Variants in CENPP observed in about 807,000 individuals in gnomAD.
CENPP encodes the protein centromere protein P.
CENPP carries 24 observed loss-of-function variants against 35.6 expected under a neutral mutation model. That is an observed-to-expected ratio of 0.67 (90% CI 0.49 to 0.95). CENPP has a LOEUF of 0.95. Among genes scored for constraint, CENPP ranks in the 40% least tolerant of loss-of-function variants. The pLI is 0.00. For missense variants in CENPP, 332 were observed against 345.3 expected, an observed-to-expected ratio of 0.96 and a Z score of 0.31; for synonymous variants, 120 against 125.5, an observed-to-expected ratio of 0.96 and a Z score of 0.29.
chr9:92,363,429 C>G (rs1018722131), intron 4 of CENPP, among the ~76,000 whole-genome samples: 1 of 152,150 alleles, frequency 6.6e-6, no homozygotes. Flanking sequence ...TGCACAAATA[C>G]TTAACATTGT....
intron 5 of CENPP, among the ~76,000 whole-genome samples, chr9:92,469,535 G>C (rs1466179577): frequency 1.3e-5 from 2 of 152,218 alleles, no homozygotes; most frequent in East Asian, 3.8e-4. Flanking sequence ...GAACAGGCCA[G>C]GCCTGCATGG....
chr9:92,377,986 TTAA>T (rs1429245093), intron 4 of CENPP, among the ~76,000 whole-genome samples: 1 of 152,190 alleles, frequency 6.6e-6, no homozygotes, highest in African/African-American at 2.4e-5. Context: ...TTGGGATGAC[TTAA>T]GTGCAGGGTG....
chr9:92,403,323 T>C (rs1843196006), intron 5 of CENPP: 3 of 1,613,426 alleles, frequency 1.9e-6, no homozygotes, highest in South Asian at 1.1e-5. Context: ...TCATAGATAA[T>C]GCGTGAGTCC....
Position 92,619,995 on chromosome 9 carries a change from G to A in CENPP, c.*6846G>A, listed in dbSNP as rs1055573076. 9 of 188,982 alleles carry A rather than the reference G, an allele frequency of 4.8e-5. No homozygotes were observed. Among genetic ancestry groups the A allele is most frequent in the Admixed American group, 1.0e-4 (2 of 19,198 alleles). 11.7% of individuals were successfully genotyped at this position (188,982 alleles called of 1,614,324 possible). A position where few individuals can be genotyped will look rare whatever the true frequency, so the allele number is the denominator to read the frequency against. On this transcript the variant is annotated 3_prime_UTR_variant, in exon 8 of 8. Coordinates refer to ENST00000375587, the MANE Select transcript of CENPP (RefSeq NM_001012267.3). ...CGCAGGGGGTGTTCAGCAAGGCATCGCTTAGAACGACATTCCCTCCGGAAC... is the reference window on the plus strand; with the variant it reads ...CGCAGGGGGTGTTCAGCAAGGCATCACTTAGAACGACATTCCCTCCGGAAC...
intron 5 of CENPP, chr9:92,538,986 T>G (rs1189326898): frequency 6.6e-6 from 1 of 152,200 alleles, no homozygotes; most frequent in Non-Finnish European, 1.5e-5. Flanking sequence ...GACAGCTTTG[T>G]AGATATTAAT....
intron 5 of CENPP, among the ~76,000 whole-genome samples, chr9:92,472,965 G>A (rs1845581665): frequency 6.6e-6 from 1 of 152,272 alleles, no homozygotes; most frequent in Middle Eastern, 3.4e-3. Context: ...ATCTCCTGAG[G>A]GAGGAAGAGT....
chr9:92,567,371 TAG>T (rs201820510), intron 5 of CENPP, among the ~76,000 whole-genome samples: 1,545 of 86,638 alleles, frequency 0.018, 22 homozygotes, highest in African/African-American at 0.048. Flanking sequence ...TTACATAAGA[TAG>T]ATATATATAT....
intron 5 of CENPP, among the ~76,000 whole-genome samples, chr9:92,405,870 G>C (rs1392360482): frequency 6.6e-6 from 1 of 152,138 alleles, no homozygotes; most frequent in Non-Finnish European, 1.5e-5. Flanking sequence ...AAAGTTTATT[G>C]AGCGCCAATT....
chr9:92,448,709 A>C (rs1844617648), intron 5 of CENPP, among the ~76,000 whole-genome samples: 1 of 152,126 alleles, frequency 6.6e-6, no homozygotes, highest in African/African-American at 2.4e-5. Context: ...CATGCAAAAA[A>C]ACCTGAAAAG....
chr9:92,588,478 C>A (rs948248149), intron 5 of CENPP, among the ~76,000 whole-genome samples: 2 of 151,734 alleles, frequency 1.3e-5, no homozygotes, highest in Non-Finnish European at 2.9e-5. Flanking sequence ...TGGTCTAGAT[C>A]TCCTGACCTC....
intron 5 of CENPP, among the ~76,000 whole-genome samples, chr9:92,382,406 A>G (rs183250712): frequency 1.7e-3 from 255 of 152,142 alleles, no homozygotes; most frequent in African/African-American, 5.9e-3. Context: ...ATTTGAAACT[A>G]TATATTATCG....
intron 5 of CENPP, among the ~76,000 whole-genome samples, chr9:92,396,508 T>C (rs531256906): frequency 1.2e-3 from 188 of 152,254 alleles, no homozygotes; most frequent in African/African-American, 4.4e-3. Context: ...TATATAGGTC[T>C]TCTTTATTTT....
At chr9:92,347,444 A>G (rs1042226765) in intron 4 of CENPP, among the ~76,000 whole-genome samples, 7 of 152,226 alleles carry the variant, frequency 4.6e-5, no homozygotes, top group African/African-American at 1.7e-4. Context: ...AGTGACTGGT[A>G]TTTTAGAAAG....
chr9:92,616,245 A>G lies in CENPP; in HGVS notation c.*3096A>G. ...CCTCACACCCCAGCTCACAAAGAGC[A>G]CTCGTTCTGTGCACCTGTGATCTGT... On this transcript the variant is annotated 3_prime_UTR_variant, in exon 8 of 8. Transcript: ENST00000375587. 7.3e-6 allele frequency: 4 copies of G among 548,648 alleles called. No homozygotes were observed. The South Asian group carries it at 8.1e-5, about 11-fold the overall frequency. 34.0% of individuals were successfully genotyped at this position (548,648 alleles called of 1,614,324 possible).
At chr9:92,347,435 G>A (rs543936700) in intron 4 of CENPP, among the ~76,000 whole-genome samples, 2 of 152,216 alleles carry the variant, frequency 1.3e-5, no homozygotes, top group Non-Finnish European at 2.9e-5. Flanking sequence ...TTTGTGGAGA[G>A]TGACTGGTAT....
At chr9:92,373,529 A>T (rs1235506261) in intron 4 of CENPP, among the ~76,000 whole-genome samples, 1 of 152,026 alleles carries the variant, frequency 6.6e-6, no homozygotes, top group Non-Finnish European at 1.5e-5. Context: ...GAGCTTCTTT[A>T]AAAATTAATG....
chr9:92,591,412 C>T (rs193082012), intron 5 of CENPP, among the ~76,000 whole-genome samples: 1 of 150,828 alleles, frequency 6.6e-6, no homozygotes, highest in Admixed American at 6.6e-5. Flanking sequence ...GAGCAAGACT[C>T]TGTCTCAAAA....
chr9:92,325,904 G>T (rs971396898), upstream of CENPP: 4 of 1,074,384 alleles, frequency 3.7e-6, no homozygotes, highest in Non-Finnish European at 5.5e-6. Context: ...GGGATGGTCC[G>T]CGCCGGGAGC....
At chr9:92,381,155 C>G (rs1175699025) in intron 5 of CENPP, among the ~76,000 whole-genome samples, 1 of 152,204 alleles carries the variant, frequency 6.6e-6, no homozygotes, top group Non-Finnish European at 1.5e-5. Context: ...TTAGCACTTG[C>G]TACCACTGTT....
Sources: gnomAD v4.1 joint callset for allele counts (sites outside exome capture counted in the v4.1 genomes callset) on GRCh38, gnomAD v4.1.1 for gene constraint, MANE v1.5 for transcripts, NCBI Gene and HGNC (gene_info 2026-07-23, HGNC 2026-07-21) for gene names.